Variants in CAMK1D observed in about 807,000 individuals in gnomAD.
CAMK1D encodes calcium/calmodulin dependent protein kinase ID, also known as calcium/calmodulin-dependent protein kinase type 1D.
In CAMK1D, 9 loss-of-function variants were observed where a neutral mutation model predicts 47.7. That is an observed-to-expected ratio of 0.19 (90% confidence interval 0.11 to 0.33). The LOEUF (loss-of-function observed/expected upper bound fraction) is 0.33. CAMK1D is among the 10% of genes least tolerant of loss of function. CAMK1D has a pLI of 1.00. For synonymous variants in CAMK1D, 184 were observed against 184.9 expected (o/e 0.99, Z 0.04); for missense variants, 291 against 488.7 (o/e 0.60, Z 3.81).
intron 2 of CAMK1D, among the ~76,000 whole-genome samples, chr10:12,653,684 A>T (rs45458100): frequency 0.072 from 10,911 of 152,326 alleles, 436 homozygotes; most frequent in South Asian, 0.18. Context: ...AGTGAACTGA[A>T]ATTAGATGGT....
chr10:12,538,880 T>A (rs1836068851), intron 1 of CAMK1D, among the ~76,000 whole-genome samples: 2 of 100,468 alleles, frequency 2.0e-5, no homozygotes, highest in Non-Finnish European at 1.9e-5. Context: ...GTGGCAAAAC[T>A]GAGGCAAAAA....
chr10:12,691,626 G>A (rs1832932599), intron 3 of CAMK1D, among the ~76,000 whole-genome samples: 1 of 151,348 alleles, frequency 6.6e-6, no homozygotes, highest in South Asian at 2.1e-4. Context: ...AGTAGAGACA[G>A]GGTTTCACCA....
At chr10:12,549,356 T>G (rs1025810688) in intron 1 of CAMK1D, among the ~76,000 whole-genome samples, 1 of 152,270 alleles carries the variant, frequency 6.6e-6, no homozygotes, top group African/African-American at 2.4e-5. Flanking sequence ...CATAATGTCC[T>G]CAGAGTTCAT....
At chr10:12,800,687 C>T (rs1361069578) in intron 6 of CAMK1D, among the ~76,000 whole-genome samples, 1 of 152,158 alleles carries the variant, frequency 6.6e-6, no homozygotes, top group African/African-American at 2.4e-5. Flanking sequence ...AAAAATACTC[C>T]TTAACAAATA....
At chr10:12,661,069 C>T (rs151236383) in intron 2 of CAMK1D, among the ~76,000 whole-genome samples, 212 of 152,132 alleles carry the variant, frequency 1.4e-3, no homozygotes, top group African/African-American at 4.7e-3. Context: ...TGGACTTCTC[C>T]CTATTCCTTC....
intron 1 of CAMK1D, among the ~76,000 whole-genome samples, chr10:12,492,053 G>A (rs1015189615): frequency 6.6e-6 from 1 of 152,188 alleles, no homozygotes; most frequent in African/African-American, 2.4e-5. Context: ...CCAAACTGCT[G>A]AGATCACAGG....
At chr10:12,530,492 T>C (rs1278618987) in intron 1 of CAMK1D, among the ~76,000 whole-genome samples, 1 of 152,214 alleles carries the variant, frequency 6.6e-6, no homozygotes, top group East Asian at 1.9e-4. Flanking sequence ...ATGGTAGATA[T>C]TCTGGTGGGA....
rs948489162 is a variant in CAMK1D, at chr10:12,834,033, C to T, written c.*5146C>T. 2 of 152,012 alleles carry T rather than the reference C, an allele frequency of 1.3e-5. No individual in the cohort carries two copies. Among genetic ancestry groups the T allele is most frequent in the African/African-American group, 4.8e-5 (2 of 41,390 alleles). The allele number at this position is 152,012 out of a possible 1,614,324, so 9.4% of individuals were successfully genotyped here. A position where few individuals can be genotyped will look rare whatever the true frequency, so the allele number is the denominator to read the frequency against. The stretch of plus-strand genomic sequence containing the variant: ...GTGCCTGACATTTGCAAAAGATATT[C>T]CAGTCTTTCGATGTTCAGAATTGAA... On this transcript the variant is annotated 3_prime_UTR_variant, in exon 11 of 11. Coordinates refer to ENST00000619168, the MANE Select transcript of CAMK1D (RefSeq NM_153498.4).
chr10:12,650,474 G>A (rs1839929301), intron 2 of CAMK1D, among the ~76,000 whole-genome samples: 1 of 152,212 alleles, frequency 6.6e-6, no homozygotes, highest in Non-Finnish European at 1.5e-5. Flanking sequence ...TATCTTCAGG[G>A]CCCTGCTGCC....
At chr10:12,482,102 G>A (rs1307602213) in intron 1 of CAMK1D, among the ~76,000 whole-genome samples, 2 of 152,208 alleles carry the variant, frequency 1.3e-5, no homozygotes, top group Non-Finnish European at 2.9e-5. Context: ...TATTTATAGA[G>A]CATCTTATAG....
intron 1 of CAMK1D, among the ~76,000 whole-genome samples, chr10:12,368,210 A>AAAAAT (rs1564296619): frequency 1.3e-5 from 2 of 150,350 alleles, no homozygotes; most frequent in Non-Finnish European, 1.5e-5. Context: ...AAAAAAAAAA[A>AAAAAT]AAAATAAAAT....
intron 2 of CAMK1D, among the ~76,000 whole-genome samples, chr10:12,659,187 T>C (rs1840203028): frequency 6.6e-6 from 1 of 152,218 alleles, no homozygotes; most frequent in Non-Finnish European, 1.5e-5. Context: ...AAGGGAACTT[T>C]TCCCATTTCA....
chr10:12,431,624 G>A (rs1213821302), intron 1 of CAMK1D, among the ~76,000 whole-genome samples: 1 of 152,142 alleles, frequency 6.6e-6, no homozygotes, highest in South Asian at 2.1e-4. Flanking sequence ...AGGAACCCAG[G>A]GTGGGAGGAG....
At chr10:12,515,882 A>G (rs993464502) in intron 1 of CAMK1D, among the ~76,000 whole-genome samples, 1 of 151,992 alleles carries the variant, frequency 6.6e-6, no homozygotes, top group Non-Finnish European at 1.5e-5. Flanking sequence ...AAGCGTTGGG[A>G]TTACAGGCGT....
intron 1 of CAMK1D, among the ~76,000 whole-genome samples, chr10:12,395,806 A>G (rs1046733603): frequency 1.3e-5 from 2 of 151,818 alleles, no homozygotes; most frequent in Non-Finnish European, 2.9e-5. Flanking sequence ...GCGTGCCGGT[A>G]GTTCCAGCTA....
At chr10:12,792,499 A>T (rs1322345997) in intron 6 of CAMK1D, among the ~76,000 whole-genome samples, 4 of 152,230 alleles carry the variant, frequency 2.6e-5, no homozygotes, top group African/African-American at 4.8e-5. Context: ...CCTGCACACA[A>T]TAAAAGACTG....
chr10:12,763,528 C>G (rs1836600173), intron 4 of CAMK1D, among the ~76,000 whole-genome samples: 1 of 152,138 alleles, frequency 6.6e-6, no homozygotes, highest in Non-Finnish European at 1.5e-5. Context: ...GTTTCTCAGC[C>G]CCTGCACCAT....
intron 1 of CAMK1D, among the ~76,000 whole-genome samples, chr10:12,422,968 C>T (rs963468556): frequency 2.6e-5 from 4 of 152,034 alleles, no homozygotes; most frequent in Non-Finnish European, 5.9e-5. Context: ...CCACCGAGCC[C>T]GGCTATTGTA....
At chr10:12,486,457 G>A (rs548665021) in intron 1 of CAMK1D, among the ~76,000 whole-genome samples, 1 of 151,932 alleles carries the variant, frequency 6.6e-6, no homozygotes, top group African/African-American at 2.4e-5. Flanking sequence ...TGCACCTGGC[G>A]GGGACTTGTC....
Sources: gnomAD v4.1 joint callset for allele counts (sites outside exome capture counted in the v4.1 genomes callset) on GRCh38, gnomAD v4.1.1 for gene constraint, MANE v1.5 for transcripts, NCBI Gene and HGNC (gene_info 2026-07-23, HGNC 2026-07-21) for gene names.